The following ZNF500 variants were observed in gnomAD, a reference collection of about 807,000 sequenced individuals.
ZNF500 encodes the protein zinc finger protein with KRAB and SCAN domains 18.
A neutral mutation model predicts 30.1 loss-of-function variants in ZNF500; 31 were observed. That is an observed-to-expected ratio of 1.03 (90% CI 0.77 to 1.39). ZNF500 has a LOEUF of 1.39. Ranked by LOEUF, ZNF500 falls within the 40% of genes most tolerant of loss-of-function variation. The pLI, the probability that ZNF500 is intolerant of heterozygous loss-of-function variation, is 0.00. For missense variants in ZNF500, 817 were observed against 657.8 expected (o/e 1.24, Z -2.65); for synonymous variants, 392 against 282.0 (o/e 1.39, Z -3.91).
intron 2 of ZNF500, 48 bp from the exon 3 acceptor site, chr16:4,762,804 G>A (rs1311394552): frequency 1.3e-6 from 2 of 1,532,422 alleles, no homozygotes; most frequent in Non-Finnish European, 1.8e-6. Context: ...AGGCCAGAAG[G>A]AAAAATCCCC....
chr16:4,761,155 G>A (rs957746218), intron 4 of ZNF500, among the ~76,000 whole-genome samples: 4 of 152,032 alleles, frequency 2.6e-5, no homozygotes, highest in Non-Finnish European at 4.4e-5. Context: ...GGAAATGTTC[G>A]GCCGGGCGCG....
rs2082086741 is a variant in ZNF500, at chr16:4,752,178, C to T, written c.*198G>A. On this transcript the variant is annotated 3_prime_UTR_variant, in exon 6 of 6. Coordinates refer to ENST00000219478, the MANE Select transcript of ZNF500 (RefSeq NM_021646.4). Reference sequence around the variant, plus strand: ...CTGGCTGCCACTGGACACTCAGAGCCTGTCCTTGCCCTTGTTCTGCACCCA... The same window carrying T: ...CTGGCTGCCACTGGACACTCAGAGCTTGTCCTTGCCCTTGTTCTGCACCCA... The T allele has an allele frequency of 1.4e-6, 2 of 1,404,224 alleles. No homozygotes were observed. Among genetic ancestry groups the T allele is most frequent in the Non-Finnish European group, 1.8e-6 (2 of 1,085,028 alleles). The allele number at this position is 1,404,224 out of a possible 1,614,324, so 87.0% of individuals were successfully genotyped here. A position where few individuals can be genotyped will look rare whatever the true frequency, so the allele number is the denominator to read the frequency against.
downstream of ZNF500, chr16:4,746,111 AACTTAGCCACTTGTGCCAAGTGGCTAC>A (rs1352722757): frequency 1.0e-5 from 4 of 393,322 alleles, no homozygotes; most frequent in South Asian, 5.4e-5. Flanking sequence ...CTTAAATGTA[AACTTAGCCACTTGTGCCAAGTGGCTAC>A]ACTTACCACA....
chr16:4,752,352 G>A lies in ZNF500; in HGVS notation c.*24C>T. 3.2e-5 allele frequency: 47 copies of A among 1,463,214 alleles called. 1 individual carries two copies. Among genetic ancestry groups the A allele is most frequent in the Non-Finnish European group, 4.2e-5 (47 of 1,111,506 alleles). 90.6% of individuals were successfully genotyped at this position (1,463,214 alleles called of 1,614,324 possible). On this transcript the variant is annotated 3_prime_UTR_variant, in exon 6 of 6. Transcript: ENST00000219478. ...TCTGTGCCCAGGGATGAGAGTCCTG[G>A]AAAGGGAGTTTCAGGCCTGGTGATC...
chr16:4,752,997 C>G lies in ZNF500; in HGVS notation c.822G>C (p.Glu274Asp), dbSNP rs773840520. 3 of 1,582,406 alleles carry G rather than the reference C, an allele frequency of 1.9e-6. No homozygotes were observed. Among genetic ancestry groups the G allele is most frequent in the Non-Finnish European group, 2.6e-6 (3 of 1,164,436 alleles). ...DGREDAPLRM[E>D]WYRVLSARCQ... ...ATCGTGCCGAGAGCACTCGGTACCA[C>G]TCCATTCTCAACGGGGCATCCTCCC... The change falls in exon 6 of 6, where the codon GAG becomes GAC. Residue 274 changes from glutamate to aspartate, a missense_variant. Physicochemically the swap from Glu to Asp is conservative, Grantham distance 45. Transcript: ENST00000219478.
In ZNF500 at chr16:4,765,690, G is replaced by C; in HGVS notation, c.289C>G (p.Gln97Glu). ...EQILELLVLE[Q>E]FLTVLPGEIQ... Reference sequence around the variant, plus strand: ...TCCCCCGGCAGCACAGTCAGGAACTGCTCCAGCACCAGCAGCTCCAGGATC... The same window carrying C: ...TCCCCCGGCAGCACAGTCAGGAACTCCTCCAGCACCAGCAGCTCCAGGATC... The change falls in exon 2 of 6, where the codon CAG becomes GAG. Residue 97 changes from glutamine (Q) to glutamate (E), a missense_variant. By Grantham distance (29) the Gln-to-Glu change is conservative (BLOSUM62 2). Coordinates refer to ENST00000219478, the MANE Select transcript of ZNF500 (RefSeq NM_021646.4). The C allele has an allele frequency of 6.2e-7, 1 of 1,613,260 alleles. No individual in the cohort carries two copies. Among genetic ancestry groups the C allele is most frequent in the Non-Finnish European group, 8.5e-7 (1 of 1,179,974 alleles).
intron 4 of ZNF500, 139 bp from the exon 5 acceptor site, chr16:4,760,727 C>T: frequency 1.4e-6 from 1 of 694,436 alleles, no homozygotes; most frequent in Non-Finnish European, 2.4e-6. Flanking sequence ...GTCTTCTCCA[C>T]TCTCGTTGCA....
In ZNF500 at chr16:4,752,450, G is replaced by T; in HGVS notation, c.1369C>A (p.Arg457=). The change falls in exon 6 of 6, where the codon CGG becomes AGG. Residue 457 remains arginine, a synonymous_variant. Coordinates refer to ENST00000219478, the MANE Select transcript of ZNF500 (RefSeq NM_021646.4). ...AAGGAGCCTGCCCCCATGTGGGTCC[G>T]CTGGTGCTTGTGCAGGTCGGTGCCC... ...RRGTDLHKHQ[R]THMGAGSLPT... is the part of the protein sequence containing the mutation. 2 of 1,541,632 alleles carry T rather than the reference G, an allele frequency of 1.3e-6. No individual in the cohort carries two copies. Among genetic ancestry groups the T allele is most frequent in the East Asian group, 2.4e-5 (1 of 41,080 alleles).
chr16:4,747,300 G>A (rs758176380), downstream of ZNF500: 25 of 1,518,018 alleles, frequency 1.6e-5, no homozygotes, highest in Admixed American at 1.5e-4. Flanking sequence ...TGGGAGGGGC[G>A]GCCCCCACGG....
rs376365012 is a variant in ZNF500, at chr16:4,762,283, C to T, written c.651G>A (p.Ser217=). 1.9e-5 allele frequency: 30 copies of T among 1,611,404 alleles called. No homozygotes were observed. The highest frequency in any genetic ancestry group is 2.2e-5 in the East Asian group (1 of 44,738). ...QEMASASPFL[S]AWSQVPVNLE... ...GCATCCCACTCACCTGGGACCAGGCCGAAAGGAAGGGCGAGGCTGACGCCA... is the reference window on the plus strand; with the variant it reads ...GCATCCCACTCACCTGGGACCAGGCTGAAAGGAAGGGCGAGGCTGACGCCA... Residue 217 remains serine, a synonymous_variant, in exon 4 of 6, where the codon TCG becomes TCA. Transcript: ENST00000219478.
In ZNF500 at chr16:4,752,316, GT is replaced by G; in HGVS notation, c.*59del. On this transcript the variant is annotated 3_prime_UTR_variant, in exon 6 of 6. Coordinates refer to ENST00000219478, the MANE Select transcript of ZNF500 (RefSeq NM_021646.4). ...TGCTTTCGGACCAGGCTGTCTAGCA[GT>G]TTCCTGAATTCTGTGCCCAGGGATG... is the stretch of plus-strand genomic sequence containing the variant. The G allele has an allele frequency of 7.0e-7, 1 of 1,437,584 alleles. No individual in the cohort carries two copies. Among genetic ancestry groups the G allele is most frequent in the South Asian group, 1.5e-5 (1 of 67,518 alleles). 89.1% of individuals were successfully genotyped at this position (1,437,584 alleles called of 1,614,324 possible). A position where few individuals can be genotyped will look rare whatever the true frequency, so the allele number is the denominator to read the frequency against.
rs1279821042 is a variant in ZNF500, at chr16:4,767,140, A to T, written c.-222T>A. 1 of 152,302 alleles carries T rather than the reference A, an allele frequency of 6.6e-6. No homozygotes were observed. Among genetic ancestry groups the T allele is most frequent in the Admixed American group, 6.5e-5 (1 of 15,288 alleles). 9.4% of individuals were successfully genotyped at this position (152,302 alleles called of 1,614,324 possible). ...CCAGAGCCGGGGCCGAAGACCCTAA[A>T]CCAGGGGTGCAAACCAGGCCGTGCG... On this transcript the variant is annotated 5_prime_UTR_variant, in exon 1 of 6. Transcript: ENST00000219478.
rs1178183496 is a variant in ZNF500 at position 4,762,589 on chromosome 16, C to T, written c.582G>A (p.Leu194=). The change falls in exon 3 of 6, where the codon CTG becomes CTA. Residue 194 remains leucine, a synonymous_variant. Coordinates refer to ENST00000219478, the MANE Select transcript of ZNF500 (RefSeq NM_021646.4). ...QLSHRPQRGP[L]LWPERGPPAP... ...GCTACTCACCTCTCTCTGGCCACAA[C>T]AGCGGGCCCCTCTGTGGCCTGTGGC... 3.7e-6 allele frequency: 6 copies of T among 1,613,256 alleles called. No homozygotes were observed. The highest frequency in any genetic ancestry group is 4.5e-5 in the East Asian group (2 of 44,868).
intron 5 of ZNF500, among the ~76,000 whole-genome samples, chr16:4,754,178 C>T (rs898115472): frequency 3.3e-5 from 5 of 152,090 alleles, no homozygotes; most frequent in African/African-American, 4.8e-5. Context: ...GGTAGGCACA[C>T]GCCATGCTGA....
chr16:4,747,044 C>T, downstream of ZNF500: 1 of 1,511,636 alleles, frequency 6.6e-7, no homozygotes, highest in Non-Finnish European at 8.8e-7. Context: ...CCAGGGGCCT[C>T]TCGCCACCTG....
chr16:4,745,851 G>C (rs2082008286), downstream of ZNF500, among the ~76,000 whole-genome samples: 1 of 151,832 alleles, frequency 6.6e-6, no homozygotes, highest in Non-Finnish European at 1.5e-5. Context: ...TACTTGGGAG[G>C]CTGAGGCAGG....
At chr16:4,765,182 T>C (rs1346671826) in intron 2 of ZNF500, among the ~76,000 whole-genome samples, 1 of 152,082 alleles carries the variant, frequency 6.6e-6, no homozygotes, top group Non-Finnish European at 1.5e-5. Flanking sequence ...ATGCCTGTAG[T>C]CCCAGCTACT....
chr16:4,766,302 G>A (rs1352544014), intron 1 of ZNF500, among the ~76,000 whole-genome samples: 2 of 152,200 alleles, frequency 1.3e-5, no homozygotes, highest in East Asian at 3.9e-4. Context: ...GATGATAACA[G>A]GACCTACACA....
At chr16:4,757,068 GAA>G (rs1485621487) in intron 5 of ZNF500, among the ~76,000 whole-genome samples, 6 of 152,090 alleles carry the variant, frequency 3.9e-5, no homozygotes, top group Non-Finnish European at 7.4e-5. Context: ...AAAAAGGGAA[GAA>G]AAAAGTTTTG....
Sources: allele counts gnomAD v4.1 joint callset (sites outside exome capture counted in the v4.1 genomes callset), GRCh38; gene constraint gnomAD v4.1.1; transcripts MANE v1.5; gene names NCBI Gene and HGNC (gene_info 2026-07-23, HGNC 2026-07-21).